The following PXDNL variants were observed in gnomAD, a reference collection of about 807,000 sequenced individuals.
The protein encoded by PXDNL is peroxidasin like.
A neutral mutation model predicts 150.8 loss-of-function variants in PXDNL; 145 were observed. The observed-to-expected ratio is 0.96, with a 90% CI of 0.84 to 1.10. The LOEUF (loss-of-function observed/expected upper bound fraction) is 1.10. PXDNL is among the 50% of genes least tolerant of loss of function. PXDNL has a pLI of 0.00. For synonymous variants in PXDNL, 757 were observed against 725.7 expected (o/e 1.04, Z -0.69); for missense variants, 2,087 against 1,873.9 (o/e 1.11, Z -2.10).
intron 2 of PXDNL, among the ~76,000 whole-genome samples, chr8:51,612,106 T>C (rs1814018224): frequency 6.6e-6 from 1 of 152,034 alleles, no homozygotes; most frequent in South Asian, 2.1e-4. Context: ...AGGATAAAAG[T>C]GAGTTCCTTT....
At chr8:51,410,997 G>A (rs999937759) in intron 16 of PXDNL, among the ~76,000 whole-genome samples, 1 of 152,320 alleles carries the variant, frequency 6.6e-6, no homozygotes, top group Non-Finnish European at 1.5e-5. Flanking sequence ...TTCACTTAAT[G>A]TAGGTTCCCT....
chr8:51,387,578 C>A (rs1807757899), intron 17 of PXDNL, among the ~76,000 whole-genome samples: 1 of 152,132 alleles, frequency 6.6e-6, no homozygotes, highest in Admixed American at 6.6e-5. Flanking sequence ...GTGAGTGCTT[C>A]ATCATTCACT....
chr8:51,602,749 A>G (rs1813750456), intron 2 of PXDNL, among the ~76,000 whole-genome samples: 2 of 151,692 alleles, frequency 1.3e-5, no homozygotes, highest in South Asian at 2.1e-4. Flanking sequence ...CTTTGTAAGC[A>G]AAAAATTAAA....
intron 5 of PXDNL, among the ~76,000 whole-genome samples, chr8:51,493,492 G>A (rs1395327964): frequency 1.3e-5 from 2 of 152,108 alleles, no homozygotes; most frequent in Non-Finnish European, 2.9e-5. Context: ...CGAGCTAAAG[G>A]AGGAAGTTCG....
chr8:51,765,589 C>T (rs2037219752), intron 1 of PXDNL, among the ~76,000 whole-genome samples: 1 of 152,106 alleles, frequency 6.6e-6, no homozygotes, highest in South Asian at 2.1e-4. Flanking sequence ...TTAATGCATT[C>T]TGCCAATCTC....
intron 2 of PXDNL, among the ~76,000 whole-genome samples, chr8:51,593,219 T>TA (rs1276113360): frequency 6.6e-6 from 1 of 152,160 alleles, no homozygotes; most frequent in Admixed American, 6.5e-5. Flanking sequence ...AAACGATTTC[T>TA]AAAAAATCCA....
At chr8:51,507,944 G>C (rs552051002) in intron 4 of PXDNL, among the ~76,000 whole-genome samples, 1 of 152,288 alleles carries the variant, frequency 6.6e-6, no homozygotes, top group East Asian at 1.9e-4. Context: ...TGGTGGTGAC[G>C]ATGCCTGCCA....
At chr8:51,540,227 G>A (rs747321020) in intron 4 of PXDNL, among the ~76,000 whole-genome samples, 2 of 151,908 alleles carry the variant, frequency 1.3e-5, no homozygotes, top group Non-Finnish European at 2.9e-5. Flanking sequence ...TCTCTCTATG[G>A]TTTAACTCTT....
intron 2 of PXDNL, among the ~76,000 whole-genome samples, chr8:51,650,308 A>G (rs1815006672): frequency 6.6e-6 from 1 of 152,116 alleles, no homozygotes; most frequent in Non-Finnish European, 1.5e-5. Flanking sequence ...AAAGTCAACT[A>G]TTTACTAATT....
At position 51,807,822 on chromosome 8, in the gene PXDNL, T is replaced by C. The variant is rs147274540; in HGVS notation, c.164+1359A>G. On this transcript the variant is annotated intron_variant, in intron 1 of 22. Transcript: ENST00000356297. ...AGTTGTACCTCATGTAGCTCCAAGA[T>C]ACTTCATTAGACAAGCAGCCCCTTC... 6.2e-4 allele frequency among the ~76,000 whole-genome samples: 95 copies of C among 152,296 alleles called. No homozygotes were observed. In the East Asian group the frequency reaches 0.012, roughly 19 times the overall value.
At position 51,319,804 on chromosome 8, in the gene PXDNL, A is replaced by G. The variant is rs1805261361; in HGVS notation, c.*87T>C. On this transcript the variant is annotated 3_prime_UTR_variant, in exon 23 of 23. Transcript: ENST00000356297. ...TAAGTCAGTGGTTTCCATATCAACA[A>G]TGTGACTACAAGTTAAAAGTTCTGA... 14 of 1,243,878 alleles carry G rather than the reference A, an allele frequency of 1.1e-5. No individual in the cohort carries two copies. The South Asian group carries it at 2.0e-4, about 18-fold the overall frequency. The allele number at this position is 1,243,878 out of a possible 1,614,324, so 77.1% of individuals were successfully genotyped here.
intron 19 of PXDNL, among the ~76,000 whole-genome samples, chr8:51,367,100 C>CAA (rs58282258): frequency 0.011 from 629 of 55,210 alleles, 31 homozygotes; most frequent in African/African-American, 0.038. Flanking sequence ...ACTCTTGTCT[C>CAA]AAAAAAAAAA....
chr8:51,713,694 A>T (rs1816546592), intron 1 of PXDNL, among the ~76,000 whole-genome samples: 1 of 152,248 alleles, frequency 6.6e-6, no homozygotes, highest in African/African-American at 2.4e-5. Context: ...TAGAAAAAAA[A>T]TTCAATGAAG....
intron 1 of PXDNL, among the ~76,000 whole-genome samples, chr8:51,749,589 C>T (rs937340413): frequency 6.6e-6 from 1 of 152,238 alleles, no homozygotes; most frequent in African/African-American, 2.4e-5. Flanking sequence ...ATAGAAGTTG[C>T]TCAGCGTGAG....
At chr8:51,576,198 CAAAAAA>C (rs35166901) in intron 3 of PXDNL, among the ~76,000 whole-genome samples, 1 of 109,356 alleles carries the variant, frequency 9.1e-6, no homozygotes, top group Non-Finnish European at 2.0e-5. Flanking sequence ...AACACTGCTC[CAAAAAA>C]AAAAAAAAAA....
intron 3 of PXDNL, among the ~76,000 whole-genome samples, chr8:51,590,679 C>G (rs572601219): frequency 6.6e-6 from 1 of 152,244 alleles, no homozygotes; most frequent in Non-Finnish European, 1.5e-5. Context: ...ATGGGAATGT[C>G]TATCACATGC....
chr8:51,694,587 T>C (rs1816076239), intron 1 of PXDNL, among the ~76,000 whole-genome samples: 1 of 152,210 alleles, frequency 6.6e-6, no homozygotes, highest in South Asian at 2.1e-4. Flanking sequence ...AACTAATCTC[T>C]AGTATCTAGG....
chr8:51,701,026 C>T (rs1203373570), intron 1 of PXDNL, among the ~76,000 whole-genome samples: 1 of 151,912 alleles, frequency 6.6e-6, no homozygotes, highest in Non-Finnish European at 1.5e-5. Flanking sequence ...CAGATACACA[C>T]ACATATACAC....
intron 21 of PXDNL, among the ~76,000 whole-genome samples, chr8:51,330,158 C>T (rs1211367758): frequency 6.6e-6 from 1 of 152,168 alleles, no homozygotes; most frequent in Non-Finnish European, 1.5e-5. Flanking sequence ...AATTCAAATG[C>T]TAATCTCTTC....
Sources: gnomAD v4.1 joint callset for allele counts (sites outside exome capture counted in the v4.1 genomes callset) on GRCh38, gnomAD v4.1.1 for gene constraint, MANE v1.5 for transcripts, NCBI Gene and HGNC (gene_info 2026-07-23, HGNC 2026-07-21) for gene names.